TFEC: variants seen among roughly 807,000 people sequenced by gnomAD.
TFEC encodes class E basic helix-loop-helix protein 34.
TFEC carries 31 observed loss-of-function variants against 41.6 expected under a neutral mutation model. The observed-to-expected ratio is 0.74, with a 90% CI of 0.56 to 1.01. The LOEUF (loss-of-function observed/expected upper bound fraction) is 1.01. TFEC is among the 50% of genes least tolerant of loss of function. TFEC has a pLI of 0.00. For synonymous variants in TFEC, 143 were observed against 140.6 expected (o/e 1.02, Z -0.12); for missense variants, 402 against 404.1 (o/e 0.99, Z 0.04).
At chr7:116,050,082 C>G (rs1003650671) in intron 3 of TFEC, among the ~76,000 whole-genome samples, 2 of 151,946 alleles carry the variant, frequency 1.3e-5, no homozygotes, top group Non-Finnish European at 2.9e-5. Context: ...AGAGAAGCAA[C>G]AGCAAACACA....
At chr7:116,003,490 C>T (rs1376379629) in intron 1 of TFEC, among the ~76,000 whole-genome samples, 1 of 151,824 alleles carries the variant, frequency 6.6e-6, no homozygotes, top group Non-Finnish European at 1.5e-5. Context: ...ACACATGATC[C>T]AAAAACACAG....
At position 115,940,659 on chromosome 7, in the gene TFEC, T is replaced by G; in HGVS notation, c.936A>C (p.Thr312=). ...QRLDGMLLDD[T]ISPFGTDPLL... is the part of the protein sequence containing the mutation. ...GAGGATCTGTTCCAAATGGAGAGATTGTGTCATCCAATAGCATGCCATCCA... is the reference window on the plus strand; with the variant it reads ...GAGGATCTGTTCCAAATGGAGAGATGGTGTCATCCAATAGCATGCCATCCA... Residue 312 remains threonine (T), a synonymous_variant, in exon 8 of 8, where the codon ACA becomes ACC. Coordinates refer to ENST00000265440, the MANE Select transcript of TFEC (RefSeq NM_012252.4). The G allele has an allele frequency of 6.2e-7, 1 of 1,613,616 alleles. No individual in the cohort carries two copies. The highest frequency in any genetic ancestry group is 8.5e-7 in the Non-Finnish European group (1 of 1,179,676).
chr7:115,951,537 A>G (rs753278439), intron 5 of TFEC, among the ~76,000 whole-genome samples: 1 of 152,074 alleles, frequency 6.6e-6, no homozygotes, highest in African/African-American at 2.4e-5. Flanking sequence ...AGTTTCCAAT[A>G]ATATATAAAT....
chr7:115,943,086 A>G (rs1047975739), intron 6 of TFEC, among the ~76,000 whole-genome samples: 19 of 152,066 alleles, frequency 1.2e-4, no homozygotes, highest in Non-Finnish European at 1.0e-4. Flanking sequence ...CCAGCAGGTG[A>G]AAGTGCTTAC....
intron 3 of TFEC, among the ~76,000 whole-genome samples, chr7:115,963,204 CA>C (rs1476344878): frequency 6.6e-6 from 1 of 151,742 alleles, no homozygotes; most frequent in Non-Finnish European, 1.5e-5. Flanking sequence ...AAGATATATA[CA>C]AATGGCCAAT....
At position 115,945,910 on chromosome 7, in the gene TFEC, C is replaced by T. The variant is rs1189122818; in HGVS notation, c.516-3870G>A. On this transcript the variant is annotated intron_variant, in intron 6 of 7. Transcript: ENST00000265440. ...TGTGTCTGCTTTCATGCTACAATGC[C>T]AGAGTTAAATAATTGTGACAAAGAC... Among the ~76,000 whole-genome samples, 3 of 151,662 alleles carry T rather than the reference C, an allele frequency of 2.0e-5. 1 individual carries two copies. Among genetic ancestry groups the T allele is most frequent in the African/African-American group, 7.2e-5 (3 of 41,392 alleles).
chr7:116,110,996 T>A, intron 2 of TFEC: 1 of 746,426 alleles, frequency 1.3e-6, no homozygotes, highest in Non-Finnish European at 2.0e-6. Flanking sequence ...CACCTGAGAC[T>A]ACATACTATA....
intron 1 of TFEC, among the ~76,000 whole-genome samples, chr7:116,147,814 C>A (rs1193561280): frequency 1.3e-5 from 2 of 152,086 alleles, no homozygotes; most frequent in Non-Finnish European, 2.9e-5. Context: ...ATCATTCACT[C>A]CATTTAACAA....
At chr7:116,137,882 AT>A (rs1005967165) in intron 1 of TFEC, among the ~76,000 whole-genome samples, 1 of 152,004 alleles carries the variant, frequency 6.6e-6, no homozygotes, top group Non-Finnish European at 1.5e-5. Flanking sequence ...AAATGAAAAT[AT>A]TAATAAATAA....
chr7:115,948,563 T>A (rs773403952), intron 6 of TFEC, among the ~76,000 whole-genome samples: 74 of 152,152 alleles, frequency 4.9e-4, no homozygotes, highest in Non-Finnish European at 9.1e-4. Context: ...TCAATAAATG[T>A]AATCTGGCAT....
intron 3 of TFEC, among the ~76,000 whole-genome samples, chr7:115,973,124 A>T (rs1793210930): frequency 6.6e-6 from 1 of 152,028 alleles, no homozygotes; most frequent in Non-Finnish European, 1.5e-5. Context: ...CAAAAAACAG[A>T]TTTGAAACCT....
chr7:116,009,576 T>C (rs534643133), intron 1 of TFEC, among the ~76,000 whole-genome samples: 2 of 151,988 alleles, frequency 1.3e-5, no homozygotes, highest in East Asian at 1.9e-4. Flanking sequence ...CACAGTATAT[T>C]AGGGGAGATA....
chr7:116,099,326 A>C (rs1008704437), intron 3 of TFEC, among the ~76,000 whole-genome samples: 1 of 152,172 alleles, frequency 6.6e-6, no homozygotes, highest in African/African-American at 2.4e-5. Flanking sequence ...AATAATTAGG[A>C]AAGTAAGGTT....
chr7:116,115,966 A>G (rs1370041841), intron 1 of TFEC, among the ~76,000 whole-genome samples: 1 of 151,996 alleles, frequency 6.6e-6, no homozygotes, highest in Non-Finnish European at 1.5e-5. Flanking sequence ...TACAGAAAGG[A>G]TAAGTTACTT....
chr7:116,037,242 T>C (rs1181426228), intron 3 of TFEC, among the ~76,000 whole-genome samples: 1 of 152,072 alleles, frequency 6.6e-6, no homozygotes, highest in Non-Finnish European at 1.5e-5. Context: ...AACAATGTCT[T>C]TTCTGTTAGC....
intron 3 of TFEC, among the ~76,000 whole-genome samples, chr7:116,088,370 C>G (rs900219057): frequency 2.0e-5 from 3 of 152,118 alleles, no homozygotes; most frequent in Admixed American, 1.3e-4. Flanking sequence ...ATCACTGACA[C>G]GTCTCTAAAA....
rs1793334570 is a variant in TFEC at position 115,938,442 on chromosome 7, T to A, written c.*2109A>T. 6.6e-6 allele frequency: 1 copy of A among 151,936 alleles called. No homozygotes were observed. Among genetic ancestry groups the A allele is most frequent in the South Asian group, 2.1e-4 (1 of 4,834 alleles). The allele number at this position is 151,936 out of a possible 1,614,324, so 9.4% of individuals were successfully genotyped here. A position where few individuals can be genotyped will look rare whatever the true frequency, so the allele number is the denominator to read the frequency against. On this transcript the variant is annotated 3_prime_UTR_variant, in exon 8 of 8. Coordinates refer to ENST00000265440, the MANE Select transcript of TFEC (RefSeq NM_012252.4). ...TCTTGAAAATTATTGAGAAGATGTA[T>A]CTAATAGCTGTTTCACATGGCATAT... is the stretch of plus-strand genomic sequence containing the variant.
intron 1 of TFEC, among the ~76,000 whole-genome samples, chr7:116,026,212 T>C (rs766036529): frequency 1.3e-5 from 2 of 152,228 alleles, no homozygotes; most frequent in Non-Finnish European, 2.9e-5. Context: ...CCCCTGAATA[T>C]GCCATGCTTT....
intron 1 of TFEC, among the ~76,000 whole-genome samples, chr7:116,004,706 G>A (rs528003339): frequency 9.9e-5 from 15 of 151,034 alleles, no homozygotes; most frequent in Non-Finnish European, 2.1e-4. Context: ...AAATTTTTAA[G>A]AAAAATTAGA....
Sources: gnomAD v4.1 joint callset for allele counts (sites outside exome capture counted in the v4.1 genomes callset) on GRCh38, gnomAD v4.1.1 for gene constraint, MANE v1.5 for transcripts, NCBI Gene and HGNC (gene_info 2026-07-23, HGNC 2026-07-21) for gene names.